The following NEGR1 variants were observed in gnomAD, a reference collection of about 807,000 sequenced individuals.
NEGR1 encodes IgLON family member 4.
A neutral mutation model predicts 40.9 loss-of-function variants in NEGR1; 10 were observed. That is an observed-to-expected ratio of 0.24 (90% confidence interval 0.15 to 0.42). NEGR1 has a LOEUF of 0.42. NEGR1 is among the 10% of genes least tolerant of loss of function. NEGR1 has a pLI of 1.00. For missense variants in NEGR1, 352 were observed against 438.9 expected (o/e 0.80, Z 1.77); for synonymous variants, 185 against 166.8 (o/e 1.11, Z -0.84).
At chr1:71,766,315 T>C (rs181156824) in intron 3 of NEGR1, among the ~76,000 whole-genome samples, 9 of 152,180 alleles carry the variant, frequency 5.9e-5, no homozygotes, top group South Asian at 2.1e-4. Flanking sequence ...AAAAGGAATC[T>C]CAAACATGAC....
chr1:72,177,496 C>T (rs1267702418), intron 1 of NEGR1, among the ~76,000 whole-genome samples: 1 of 152,000 alleles, frequency 6.6e-6, no homozygotes, highest in Non-Finnish European at 1.5e-5. Flanking sequence ...TGTACATATA[C>T]AATTCCATGT....
chr1:71,703,498 A>C (rs970026896), intron 3 of NEGR1: 2 of 151,834 alleles, frequency 1.3e-5, no homozygotes, highest in Non-Finnish European at 2.9e-5. Flanking sequence ...AAATGAAAAA[A>C]AAAAAAGGAA....
At chr1:72,185,558 T>C (rs1296469314) in intron 1 of NEGR1, among the ~76,000 whole-genome samples, 3 of 151,862 alleles carry the variant, frequency 2.0e-5, no homozygotes, top group South Asian at 2.1e-4. Context: ...GCTACACAAA[T>C]GGAAATGGAA....
intron 1 of NEGR1, among the ~76,000 whole-genome samples, chr1:72,268,356 A>G (rs1258571956): frequency 6.6e-6 from 1 of 151,446 alleles, no homozygotes; most frequent in Non-Finnish European, 1.5e-5. Context: ...CAGACAAGAA[A>G]ACTGAGTCTC....
intron 4 of NEGR1, among the ~76,000 whole-genome samples, chr1:71,665,277 T>C (rs1652205412): frequency 1.3e-5 from 2 of 152,194 alleles, no homozygotes; most frequent in African/African-American, 4.8e-5. Context: ...ACACTTCACC[T>C]CAGTTAAATT....
rs908854379 is a variant in NEGR1 at position 71,866,061 on chromosome 1, C to T, written c.409+69018G>A. On this transcript the variant is annotated intron_variant, in intron 2 of 6. Transcript: ENST00000357731. ...CCCAATTCTGGTTTGAAATACCTTT[C>T]CTTTCAACTATATAAACAAACACAA... is the stretch of plus-strand genomic sequence containing the variant. Among the ~76,000 whole-genome samples the T allele has an allele frequency of 2.6e-5, 4 of 152,034 alleles. No individual in the cohort carries two copies. In the East Asian group the frequency reaches 7.7e-4, roughly 29 times the overall value.
intron 1 of NEGR1, among the ~76,000 whole-genome samples, chr1:72,208,641 C>T (rs746505726): frequency 3.3e-5 from 5 of 151,608 alleles, no homozygotes; most frequent in Admixed American, 6.6e-5. Flanking sequence ...ACAAGGCTCA[C>T]GTTAGCACTG....
intron 1 of NEGR1, among the ~76,000 whole-genome samples, chr1:72,112,872 A>G (rs1649430720): frequency 6.6e-6 from 1 of 151,560 alleles, no homozygotes; most frequent in Non-Finnish European, 1.5e-5. Context: ...GGTGTTTTGC[A>G]AAATCTTTTC....
intron 6 of NEGR1, among the ~76,000 whole-genome samples, chr1:71,476,478 C>A (rs1257928680): frequency 1.3e-5 from 2 of 152,066 alleles, no homozygotes; most frequent in African/African-American, 4.8e-5. Context: ...ATAAGATAAT[C>A]TTTGTTTGCC....
chr1:71,475,126 T>C (rs1410716935), intron 6 of NEGR1, among the ~76,000 whole-genome samples: 2 of 152,048 alleles, frequency 1.3e-5, no homozygotes, highest in Non-Finnish European at 1.5e-5. Flanking sequence ...TAAACTCTAC[T>C]AGAAAAAGAG....
At chr1:71,780,359 A>G (rs1012761014) in intron 2 of NEGR1, among the ~76,000 whole-genome samples, 11 of 152,222 alleles carry the variant, frequency 7.2e-5, no homozygotes, top group African/African-American at 2.7e-4. Context: ...AATTATTATA[A>G]TATCCTCACT....
At position 71,951,206 on chromosome 1, in the gene NEGR1, G is replaced by A. The variant is rs180737168; in HGVS notation, c.177-15895C>T. Reference sequence around the variant, plus strand: ...ACCATTTTTGGCAAAGTATACTTTTGATTTAGCCAAACACCAAATTCTCTT... The same window carrying A: ...ACCATTTTTGGCAAAGTATACTTTTAATTTAGCCAAACACCAAATTCTCTT... On this transcript the variant is annotated intron_variant, in intron 1 of 6. Coordinates refer to ENST00000357731, the MANE Select transcript of NEGR1 (RefSeq NM_173808.3). Among the ~76,000 whole-genome samples the A allele has an allele frequency of 4.6e-4, 70 of 151,946 alleles. 1 individual carries two copies. In the East Asian group the frequency reaches 0.012, roughly 26 times the overall value.
intron 6 of NEGR1, among the ~76,000 whole-genome samples, chr1:71,491,830 A>G (rs1166997890): frequency 1.3e-5 from 2 of 152,132 alleles, no homozygotes; most frequent in African/African-American, 2.4e-5. Flanking sequence ...TTTTTCTTCT[A>G]TCATTTAATA....
chr1:71,730,336 A>G (rs1246865457), intron 3 of NEGR1, among the ~76,000 whole-genome samples: 1 of 151,984 alleles, frequency 6.6e-6, no homozygotes, highest in Non-Finnish European at 1.5e-5. Context: ...GACCATAGAA[A>G]TAGGTCTACA....
chr1:71,934,035 A>C (rs1190182433), intron 2 of NEGR1, among the ~76,000 whole-genome samples: 1 of 152,080 alleles, frequency 6.6e-6, no homozygotes, highest in Non-Finnish European at 1.5e-5. Flanking sequence ...AAGAGAGTAC[A>C]GCTGACTTTC....
chr1:72,207,936 T>C (rs1570122614), intron 1 of NEGR1, among the ~76,000 whole-genome samples: 1 of 151,782 alleles, frequency 6.6e-6, no homozygotes, highest in South Asian at 2.1e-4. Context: ...TCAATAATTT[T>C]GATTATACTG....
intron 6 of NEGR1, among the ~76,000 whole-genome samples, chr1:71,472,213 G>A (rs1429972008): frequency 6.6e-6 from 1 of 152,062 alleles, no homozygotes; most frequent in Non-Finnish European, 1.5e-5. Flanking sequence ...GAGATGGAAG[G>A]GATATTGGCT....
chr1:71,899,413 G>A (rs963916669), intron 2 of NEGR1, among the ~76,000 whole-genome samples: 1 of 152,044 alleles, frequency 6.6e-6, no homozygotes. Context: ...GATTAAGAAG[G>A]TTGGGGGAAA....
intron 1 of NEGR1, among the ~76,000 whole-genome samples, chr1:71,987,949 TA>T (rs899387769): frequency 6.6e-6 from 1 of 152,066 alleles, no homozygotes. Flanking sequence ...GGGGACTGTT[TA>T]AAAAAAATCT....
Sources: gnomAD v4.1 joint callset for allele counts (sites outside exome capture counted in the v4.1 genomes callset) on GRCh38, gnomAD v4.1.1 for gene constraint, MANE v1.5 for transcripts, NCBI Gene and HGNC (gene_info 2026-07-23, HGNC 2026-07-21) for gene names.